CCDC148: variants seen among roughly 807,000 people sequenced by gnomAD.
CCDC148 encodes the protein coiled-coil domain containing 148.
A neutral mutation model predicts 85.7 loss-of-function variants in CCDC148; 89 were observed. That is an observed-to-expected ratio of 1.04 (90% CI 0.87 to 1.24). CCDC148 has a LOEUF of 1.24. Ranked by LOEUF, CCDC148 falls within the 50% of genes most tolerant of loss-of-function variation. CCDC148 has a pLI of 0.00. For missense variants in CCDC148, 692 were observed against 671.7 expected, an observed-to-expected ratio of 1.03 and a Z score of -0.33; for synonymous variants, 230 against 213.9, an observed-to-expected ratio of 1.08 and a Z score of -0.66.
intron 1 of CCDC148, among the ~76,000 whole-genome samples, chr2:158,366,908 G>A (rs1202587595): frequency 1.3e-5 from 2 of 152,228 alleles, no homozygotes; most frequent in Admixed American, 1.3e-4. Context: ...ATGTCTAGTG[G>A]CCCTTTCAGT....
In CCDC148 at chr2:158,176,517, T is replaced by A. The variant is rs368333120; in HGVS notation, c.1629+4A>T. On this transcript the variant is annotated splice_donor_region_variant and intron_variant, in intron 13 of 13. Transcript: ENST00000283233. The stretch of plus-strand genomic sequence containing the variant: ...TCATCAGTCATGCTAATTTCCATAA[T>A]TACCTGCTGTTCATTGTATGTATTC... 2.3e-5 allele frequency: 37 copies of A among 1,609,750 alleles called. No homozygotes were observed. Among genetic ancestry groups the A allele is most frequent in the Non-Finnish European group, 3.1e-5 (36 of 1,177,016 alleles).
At chr2:158,201,010 C>T (rs1437037439) in intron 11 of CCDC148, among the ~76,000 whole-genome samples, 1 of 152,240 alleles carries the variant, frequency 6.6e-6, no homozygotes, top group East Asian at 1.9e-4. Context: ...ATTTGTTTCC[C>T]AATTAGCCCT....
chr2:158,216,642 G>T (rs1014899423), intron 11 of CCDC148, among the ~76,000 whole-genome samples: 1 of 151,948 alleles, frequency 6.6e-6, no homozygotes, highest in African/African-American at 2.4e-5. Flanking sequence ...TATAGACTGG[G>T]TGACTTGAAC....
At chr2:158,385,869 T>G (rs1001375673) in intron 1 of CCDC148, among the ~76,000 whole-genome samples, 7 of 152,042 alleles carry the variant, frequency 4.6e-5, no homozygotes, top group African/African-American at 1.7e-4. Flanking sequence ...TATGGTAACA[T>G]CTAGGTCATG....
chr2:158,190,063 A>C (rs187718148), intron 11 of CCDC148, among the ~76,000 whole-genome samples: 23 of 152,126 alleles, frequency 1.5e-4, no homozygotes, highest in African/African-American at 4.8e-4. Flanking sequence ...CTGTCTAATT[A>C]GTCAGTGAGT....
chr2:158,359,145 T>TA (rs1444984394), intron 1 of CCDC148, among the ~76,000 whole-genome samples: 1 of 152,228 alleles, frequency 6.6e-6, no homozygotes, highest in East Asian at 1.9e-4. Context: ...TCTGGTATGA[T>TA]ATGAAAACCA....
chr2:158,410,522 A>G (rs1686212710), intron 1 of CCDC148, among the ~76,000 whole-genome samples: 1 of 152,072 alleles, frequency 6.6e-6, no homozygotes, highest in African/African-American at 2.4e-5. Flanking sequence ...TGTATCAATT[A>G]TAGGTGTTTT....
At chr2:158,390,939 T>C (rs1043181462) in intron 1 of CCDC148, among the ~76,000 whole-genome samples, 1 of 152,166 alleles carries the variant, frequency 6.6e-6, no homozygotes, top group Non-Finnish European at 1.5e-5. Context: ...GGTCAGAGAC[T>C]GAAAACCACT....
At chr2:158,433,361 A>C (rs550928031) in intron 1 of CCDC148, among the ~76,000 whole-genome samples, 1 of 151,410 alleles carries the variant, frequency 6.6e-6, no homozygotes, top group East Asian at 1.9e-4. Context: ...CTGTTCAGAA[A>C]CTCAAGTTGC....
chr2:158,240,435 T>TTCTCTC lies in CCDC148; in HGVS notation c.1251+10331_1251+10336dup, dbSNP rs72429578. Among the ~76,000 whole-genome samples, 744 of 126,312 alleles carry TTCTCTC rather than the reference T, an allele frequency of 5.9e-3. 13 individuals are homozygous for TTCTCTC. Among genetic ancestry groups the TTCTCTC allele is most frequent in the South Asian group, 9.4e-3 (30 of 3,194 alleles). The allele number at this position is 126,312 out of a possible 152,430, so 82.9% of individuals were successfully genotyped here. On this transcript the variant is annotated intron_variant, in intron 10 of 13. Transcript: ENST00000283233. ...GGGATCCAGTTAGATCACTCTCTCT[T>TTCTCTC]TCTCTCTCTCTCTCTCTCACACACA...
chr2:158,344,046 T>TA (rs533769051), intron 3 of CCDC148, among the ~76,000 whole-genome samples: 8 of 151,882 alleles, frequency 5.3e-5, no homozygotes, highest in South Asian at 2.1e-4. Flanking sequence ...AGCCAAGATT[T>TA]AAAAAAAACA....
chr2:158,315,472 T>A (rs903080482), intron 7 of CCDC148, among the ~76,000 whole-genome samples: 11 of 150,810 alleles, frequency 7.3e-5, no homozygotes, highest in Non-Finnish European at 1.5e-4. Context: ...AAATGTTTTT[T>A]TAATCAAAAG....
In CCDC148 at chr2:158,349,254, T is replaced by C. The variant is rs140453957; in HGVS notation, c.148-3936A>G. ...TTTATTTAAATATGTTTATATTTAATATTGCCAGAGAAAAGTGCTGTAATA... is the reference window on the plus strand; with the variant it reads ...TTTATTTAAATATGTTTATATTTAACATTGCCAGAGAAAAGTGCTGTAATA... On this transcript the variant is annotated intron_variant, in intron 2 of 13. Coordinates refer to ENST00000283233, the MANE Select transcript of CCDC148 (RefSeq NM_138803.4). Among the ~76,000 whole-genome samples, 323 of 152,156 alleles carry C rather than the reference T, an allele frequency of 2.1e-3. 2 individuals carry two copies. The highest frequency in any genetic ancestry group is 7.1e-3 in the African/African-American group (297 of 41,558).
chr2:158,215,539 T>G (rs1356974204), intron 11 of CCDC148, among the ~76,000 whole-genome samples: 1 of 152,036 alleles, frequency 6.6e-6, no homozygotes, highest in East Asian at 1.9e-4. Context: ...TTTTTCTTTT[T>G]TTTCTTTTTT....
At chr2:158,217,470 T>C (rs11678604) in intron 11 of CCDC148, among the ~76,000 whole-genome samples, 1 of 151,492 alleles carries the variant, frequency 6.6e-6, no homozygotes, top group Non-Finnish European at 1.5e-5. Flanking sequence ...TAGCACGATC[T>C]CAGCTCACTG....
At chr2:158,383,805 C>T (rs1415853565) in intron 1 of CCDC148, among the ~76,000 whole-genome samples, 6 of 152,118 alleles carry the variant, frequency 3.9e-5, no homozygotes, top group African/African-American at 9.7e-5. Flanking sequence ...GATTTACCAT[C>T]GATAACTTTA....
At chr2:158,278,898 C>A (rs552560540) in intron 9 of CCDC148, among the ~76,000 whole-genome samples, 1 of 152,230 alleles carries the variant, frequency 6.6e-6, no homozygotes, top group East Asian at 1.9e-4. Context: ...CAGACTGACA[C>A]CTCACACAGC....
At chr2:158,180,973 T>C (rs910515505) in intron 11 of CCDC148, among the ~76,000 whole-genome samples, 1 of 152,152 alleles carries the variant, frequency 6.6e-6, no homozygotes, top group African/African-American at 2.4e-5. Context: ...CACGCCTCCA[T>C]GTCATGGAAA....
At chr2:158,335,086 G>A (rs1475458645) in intron 7 of CCDC148, among the ~76,000 whole-genome samples, 1 of 152,124 alleles carries the variant, frequency 6.6e-6, no homozygotes, top group Non-Finnish European at 1.5e-5. Context: ...CAGCAGTGAG[G>A]TGGACTTCCC....
Sources: gnomAD v4.1 joint callset for allele counts (sites outside exome capture counted in the v4.1 genomes callset) on GRCh38, gnomAD v4.1.1 for gene constraint, MANE v1.5 for transcripts, NCBI Gene and HGNC (gene_info 2026-07-23, HGNC 2026-07-21) for gene names.